Variants in TTLL5 observed in about 807,000 individuals in gnomAD.
TTLL5 encodes the protein tubulin polyglutamylase TTLL5.
TTLL5 carries 132 observed loss-of-function variants against 168.4 expected under a neutral mutation model. The ratio of observed to expected loss-of-function variants is 0.78; its 90% confidence interval spans 0.68 to 0.91. The LOEUF (loss-of-function observed/expected upper bound fraction) is 0.91. TTLL5 is among the 40% of genes least tolerant of loss of function. TTLL5 has a pLI of 0.00. For synonymous variants in TTLL5, 546 were observed against 558.6 expected, an observed-to-expected ratio of 0.98 and a Z score of 0.32; for missense variants, 1,545 against 1,581.5, an observed-to-expected ratio of 0.98 and a Z score of 0.39.
rs535675199 is a variant in TTLL5, at chr14:75,720,577, T to A, written c.935-19T>A. On this transcript the variant is annotated intron_variant, in intron 11 of 31. Transcript: ENST00000298832. ...GTATTTTGATATTGAGTCTGAAATT[T>A]AAAAATTTTTGTTTGCAGCATTGAT... 6.3e-7 allele frequency: 1 copy of A among 1,589,712 alleles called. No individual in the cohort carries two copies. Among genetic ancestry groups the A allele is most frequent in the African/African-American group, 1.3e-5 (1 of 74,460 alleles).
At chr14:75,874,933 C>CCCTTTT (rs778792332) in intron 29 of TTLL5, among the ~76,000 whole-genome samples, 1 of 97,546 alleles carries the variant, frequency 1.0e-5, no homozygotes, top group African/African-American at 4.9e-5. Flanking sequence ...CACTGGGGGC[C>CCCTTTT]TTTTTTTTTT....
At chr14:75,805,580 GT>G in intron 27 of TTLL5, among the ~76,000 whole-genome samples, 1 of 152,216 alleles carries the variant, frequency 6.6e-6, no homozygotes, top group South Asian at 2.1e-4. Flanking sequence ...TATATCTTTA[GT>G]TTGAGCCTTT....
chr14:75,763,255 C>CTCTCTGTGTG (rs1461607432), intron 18 of TTLL5, among the ~76,000 whole-genome samples: 1 of 58,516 alleles, frequency 1.7e-5, no homozygotes, highest in Admixed American at 2.0e-4. Context: ...AGCTCTCTCT[C>CTCTCTGTGTG]TGTGTGTGTG....
At chr14:75,939,030 T>C (rs1236516040) in intron 31 of TTLL5, among the ~76,000 whole-genome samples, 1 of 152,222 alleles carries the variant, frequency 6.6e-6, no homozygotes, top group Non-Finnish European at 1.5e-5. Flanking sequence ...TTCCCAACTC[T>C]GCCTTCAGTA....
intron 26 of TTLL5, among the ~76,000 whole-genome samples, chr14:75,791,999 C>T (rs986274901): frequency 6.6e-6 from 1 of 151,848 alleles, no homozygotes; most frequent in Non-Finnish European, 1.5e-5. Flanking sequence ...ACCTTGAACT[C>T]CTGGGCTTAA....
intron 12 of TTLL5, among the ~76,000 whole-genome samples, chr14:75,723,876 C>T (rs550563562): frequency 6.6e-6 from 1 of 152,254 alleles, no homozygotes; most frequent in East Asian, 1.9e-4. Flanking sequence ...CACTTCCTGT[C>T]AGCCCTGGGA....
At chr14:75,712,377 G>C (rs1383950356) in intron 9 of TTLL5, 1 of 149,514 alleles carries the variant, frequency 6.7e-6, no homozygotes, top group Non-Finnish European at 1.5e-5. Context: ...TACATTTGTA[G>C]TGAATGTTTG....
At chr14:75,929,329 A>G (rs1019081266) in intron 31 of TTLL5, among the ~76,000 whole-genome samples, 1 of 152,204 alleles carries the variant, frequency 6.6e-6, no homozygotes, top group African/African-American at 2.4e-5. Flanking sequence ...ATGTGTTCAC[A>G]AAATACAAGT....
chr14:75,712,920 G>A (rs1887191644), intron 9 of TTLL5, among the ~76,000 whole-genome samples: 1 of 151,986 alleles, frequency 6.6e-6, no homozygotes, highest in Non-Finnish European at 1.5e-5. Flanking sequence ...GGGAGGGGGC[G>A]GCAAATAGTT....
intron 5 of TTLL5, among the ~76,000 whole-genome samples, chr14:75,686,011 T>G (rs535496033): frequency 1.3e-5 from 2 of 152,314 alleles, no homozygotes; most frequent in Non-Finnish European, 2.9e-5. Context: ...CACTAAAAAT[T>G]GAGTACCTCT....
chr14:75,692,027 A>G (rs1885501294), intron 6 of TTLL5, among the ~76,000 whole-genome samples: 1 of 152,238 alleles, frequency 6.6e-6, no homozygotes. Flanking sequence ...TAATTAAATG[A>G]ATCAACTTCA....
chr14:75,834,082 A>C (rs1895737925), intron 28 of TTLL5, among the ~76,000 whole-genome samples: 1 of 152,258 alleles, frequency 6.6e-6, no homozygotes, highest in Non-Finnish European at 1.5e-5. Flanking sequence ...GGAAGAAATC[A>C]TCACTGTGAA....
At chr14:75,952,622 T>G (rs1236308170) in intron 31 of TTLL5, among the ~76,000 whole-genome samples, 1 of 152,204 alleles carries the variant, frequency 6.6e-6, no homozygotes, top group Admixed American at 6.5e-5. Context: ...TGTCCACAAC[T>G]GATGAATGGA....
chr14:75,805,965 T>A (rs1893629103), intron 27 of TTLL5, among the ~76,000 whole-genome samples: 1 of 152,122 alleles, frequency 6.6e-6, no homozygotes, highest in Non-Finnish European at 1.5e-5. Flanking sequence ...TGCAATTACC[T>A]TTTCACTGGT....
chr14:75,911,738 G>A (rs1167796912), intron 31 of TTLL5, among the ~76,000 whole-genome samples: 2 of 152,158 alleles, frequency 1.3e-5, no homozygotes, highest in Non-Finnish European at 2.9e-5. Context: ...ATTATTGATA[G>A]TTTTTAATCA....
chr14:75,706,389 A>T (rs1340385320), intron 7 of TTLL5, among the ~76,000 whole-genome samples: 2 of 152,238 alleles, frequency 1.3e-5, no homozygotes, highest in Non-Finnish European at 2.9e-5. Context: ...TGGTATCCCC[A>T]GTGCCATATG....
chr14:75,842,911 G>A (rs1461407294), intron 28 of TTLL5, among the ~76,000 whole-genome samples: 1 of 152,150 alleles, frequency 6.6e-6, no homozygotes, highest in Non-Finnish European at 1.5e-5. Flanking sequence ...CTCAAAGGTG[G>A]TGTCCACTTT....
At chr14:75,812,918 C>T (rs569070841) in intron 27 of TTLL5, among the ~76,000 whole-genome samples, 4 of 152,240 alleles carry the variant, frequency 2.6e-5, no homozygotes, top group African/African-American at 9.6e-5. Flanking sequence ...TTTTAATATG[C>T]TCCCAGTAAT....
intron 15 of TTLL5, among the ~76,000 whole-genome samples, chr14:75,737,954 T>C (rs1237902785): frequency 6.6e-6 from 1 of 152,190 alleles, no homozygotes; most frequent in African/African-American, 2.4e-5. Context: ...CAATTTTTTT[T>C]TTCAGACATC....
Sources: gnomAD v4.1 joint callset for allele counts (sites outside exome capture counted in the v4.1 genomes callset) on GRCh38, gnomAD v4.1.1 for gene constraint, MANE v1.5 for transcripts, NCBI Gene and HGNC (gene_info 2026-07-23, HGNC 2026-07-21) for gene names.